DNAH11: variants seen among roughly 807,000 people sequenced by gnomAD.
DNAH11 encodes the protein dynein axonemal heavy chain 11.
In DNAH11, 442 loss-of-function variants were observed where a neutral mutation model predicts 526.0. That is an observed-to-expected ratio of 0.84 (90% CI 0.78 to 0.91). The LOEUF is 0.91. Among genes scored for constraint, DNAH11 ranks in the 40% least tolerant of loss-of-function variants. The probability of loss-of-function intolerance (pLI) is 0.00; values close to 1 mark genes in which losing one functional copy is unlikely to be tolerated. For synonymous variants in DNAH11, 2,461 were observed against 1,935.9 expected (o/e 1.27, Z -7.12); for missense variants, 6,989 against 5,448.7 (o/e 1.28, Z -8.90).
intron 72 of DNAH11, 24 bp downstream of exon 72, chr7:21,868,031 G>C: frequency 6.8e-7 from 1 of 1,474,068 alleles, no homozygotes; most frequent in African/African-American, 1.4e-5. Context: ...AGGCTCGCTG[G>C]CCCGCCCCTT....
intron 8 of DNAH11, among the ~76,000 whole-genome samples, chr7:21,573,679 C>G (rs546479512): frequency 6.6e-6 from 1 of 152,192 alleles, no homozygotes; most frequent in African/African-American, 2.4e-5. Context: ...CAAATGACTT[C>G]CAACCTAGTG....
chr7:21,672,531 C>T (rs561372530), intron 30 of DNAH11, among the ~76,000 whole-genome samples: 4 of 152,316 alleles, frequency 2.6e-5, no homozygotes, highest in South Asian at 4.1e-4. Flanking sequence ...AGGCCATTCT[C>T]GCTCCTTGGC....
chr7:21,572,680 C>CCAAA (rs1783940227), intron 8 of DNAH11, among the ~76,000 whole-genome samples: 1 of 152,076 alleles, frequency 6.6e-6, no homozygotes, highest in African/African-American at 2.4e-5. Context: ...TTATATTTGG[C>CCAAA]CAAACAATTG....
intron 66 of DNAH11, among the ~76,000 whole-genome samples, chr7:21,847,965 A>C (rs1019831882): frequency 2.0e-4 from 30 of 152,192 alleles, no homozygotes; most frequent in African/African-American, 7.2e-4. Flanking sequence ...GGGGATCGAT[A>C]CCATCCTGGC....
At chr7:21,745,085 C>A in intron 51 of DNAH11, 22 bp downstream of exon 51, 1 of 1,586,422 alleles carries the variant, frequency 6.3e-7, no homozygotes. Context: ...AGTCACGATG[C>A]TTTTCCACAA....
chr7:21,765,825 T>G (rs543131638), intron 55 of DNAH11, among the ~76,000 whole-genome samples: 14 of 152,322 alleles, frequency 9.2e-5, no homozygotes, highest in Admixed American at 5.9e-4. Context: ...CACACGTGCG[T>G]GAACACGGGC....
chr7:21,800,604 C>T (rs995085623), intron 61 of DNAH11, among the ~76,000 whole-genome samples: 1 of 152,086 alleles, frequency 6.6e-6, no homozygotes, highest in Non-Finnish European at 1.5e-5. Flanking sequence ...CGCATCCAGC[C>T]TGAGCAACAG....
In DNAH11 at chr7:21,784,497, C is replaced by T. The variant is rs775764165; in HGVS notation, c.9554C>T (p.Pro3185Leu). The T allele has an allele frequency of 7.4e-6, 12 of 1,613,414 alleles. No individual in the cohort carries two copies. The highest frequency in any genetic ancestry group is 1.1e-5 in the South Asian group (1 of 90,934). The change falls in exon 58 of 82, where the codon CCT (proline) becomes CTT (leucine). Residue 3185 changes from proline (P) to leucine (L), a missense_variant. By Grantham distance (98) the Pro-to-Leu change is moderately conservative. Coordinates refer to ENST00000409508, the MANE Select transcript of DNAH11 (RefSeq NM_001277115.2). The part of the protein sequence containing the change: ...ECEADLLKAE[P>L]ALVAATAALN... The stretch of plus-strand genomic sequence containing the variant: ...GAAGCTGACTTACTCAAGGCTGAGC[C>T]TGCACTGGTGGCTGCTACAGCTGCA...
chr7:21,625,568 T>A (rs1479299185), intron 25 of DNAH11, among the ~76,000 whole-genome samples: 3 of 152,134 alleles, frequency 2.0e-5, no homozygotes, highest in African/African-American at 7.2e-5. Flanking sequence ...GTTCTTCTTT[T>A]TCTAGTTCCT....
intron 74 of DNAH11, among the ~76,000 whole-genome samples, chr7:21,879,659 G>GT (rs1310864362): frequency 6.6e-6 from 1 of 152,126 alleles, no homozygotes; most frequent in South Asian, 2.1e-4. Context: ...CAAGATAGGA[G>GT]TTTTTTTCTC....
At chr7:21,584,129 A>G (rs992950270) in intron 9 of DNAH11, among the ~76,000 whole-genome samples, 4 of 152,194 alleles carry the variant, frequency 2.6e-5, no homozygotes, top group African/African-American at 7.2e-5. Flanking sequence ...ACATGCACAC[A>G]TATGTTTATT....
At chr7:21,714,811 T>C (rs1784590216) in intron 42 of DNAH11, among the ~76,000 whole-genome samples, 1 of 152,222 alleles carries the variant, frequency 6.6e-6, no homozygotes, top group African/African-American at 2.4e-5. Context: ...TATTAATTTT[T>C]GCTGAAATAT....
chr7:21,798,941 C>T (rs1788839988), intron 61 of DNAH11, among the ~76,000 whole-genome samples: 1 of 151,652 alleles, frequency 6.6e-6, no homozygotes, highest in Non-Finnish European at 1.5e-5. Context: ...AAATTTTTTT[C>T]AGTTTTAACT....
In DNAH11 at chr7:21,561,075, A is replaced by G; in HGVS notation, c.887A>G (p.Gln296Arg). 1.3e-6 allele frequency: 2 copies of G among 1,592,908 alleles called. No individual in the cohort carries two copies. Among genetic ancestry groups the G allele is most frequent in the Non-Finnish European group, 1.7e-6 (2 of 1,168,908 alleles). The change falls in exon 5 of 82, where the codon CAG becomes CGG. Residue 296 changes from glutamine (Q) to arginine (R), a missense_variant. Coordinates refer to ENST00000409508, the MANE Select transcript of DNAH11 (RefSeq NM_001277115.2). The stretch of plus-strand genomic sequence containing the variant: ...TCTTTTTTTCCTTTAACTTAGCTTC[A>G]GGCACCTGTTGTCCTCAAAATGGTT... ...ENLSCIYDQL[Q>R]APVVLKMVKI...
At chr7:21,635,184 C>G (rs531707008) in intron 25 of DNAH11, among the ~76,000 whole-genome samples, 41 of 152,148 alleles carry the variant, frequency 2.7e-4, no homozygotes, top group African/African-American at 8.2e-4. Flanking sequence ...GAGACAGAGT[C>G]TCACTCTGTT....
intron 54 of DNAH11, among the ~76,000 whole-genome samples, chr7:21,757,456 T>C (rs961804189): frequency 1.3e-4 from 20 of 152,188 alleles, no homozygotes; most frequent in African/African-American, 4.8e-4. Context: ...GCATGTTCTC[T>C]GACTATGGAT....
At chr7:21,674,028 T>TTGTGTGTGTGTGTGTGTG (rs59263134) in intron 30 of DNAH11, among the ~76,000 whole-genome samples, 2 of 137,252 alleles carry the variant, frequency 1.5e-5, no homozygotes, top group African/African-American at 5.3e-5. Context: ...CTGTTTTGTT[T>TTGTGTGTGTGTGTGTGTG]TGTGTGTGTG....
intron 2 of DNAH11, 125 bp downstream of exon 2, chr7:21,545,274 TAAAAAAAAA>T (rs10634177): frequency 1.2e-3 from 154 of 131,778 alleles, no homozygotes; most frequent in Middle Eastern, 6.8e-3. Context: ...TGGGGGTGGT[TAAAAAAAAA>T]AAAAAAAAAA....
chr7:21,601,428 C>A lies in DNAH11; in HGVS notation c.3458C>A (p.Thr1153Lys). The change falls in exon 18 of 82, where the codon ACA becomes AAA. Residue 1153 changes from threonine to lysine, a missense_variant. Physicochemically the swap from Thr to Lys is moderately conservative, Grantham distance 78. Transcript: ENST00000409508. ...GAGCTACAAGAATTTATAAAGGAGA[C>A]AGATTCCGGACTTCAGAGAGAATTA... ...LNELQEFIKE[T>K]DSGLQRELNE... 1 of 1,613,130 alleles carries A rather than the reference C, an allele frequency of 6.2e-7. No homozygotes were observed. The highest frequency in any genetic ancestry group is 8.5e-7 in the Non-Finnish European group (1 of 1,179,478).
Sources: gnomAD v4.1 joint callset for allele counts (sites outside exome capture counted in the v4.1 genomes callset) on GRCh38, gnomAD v4.1.1 for gene constraint, MANE v1.5 for transcripts, NCBI Gene and HGNC (gene_info 2026-07-23, HGNC 2026-07-21) for gene names.